The following RGS5 variants were observed in gnomAD, a reference collection of about 807,000 sequenced individuals.
RGS5 encodes regulator of G-protein signalling 5.
A neutral mutation model predicts 18.9 loss-of-function variants in RGS5; 20 were observed. The observed-to-expected ratio is 1.06, with a 90% CI of 0.74 to 1.54. RGS5 has a LOEUF of 1.54. Among genes scored for constraint, RGS5 ranks in the 40% most tolerant of loss-of-function variants. The probability of loss-of-function intolerance (pLI) is 0.00; values close to 1 mark genes in which losing one functional copy is unlikely to be tolerated. For synonymous variants in RGS5, 57 were observed against 76.2 expected (o/e 0.75, Z 1.31); for missense variants, 201 against 211.8 (o/e 0.95, Z 0.32).
In RGS5 at chr1:163,193,137, C is replaced by G. The variant is rs74603259; in HGVS notation, c.44+9655G>C. The stretch of plus-strand genomic sequence containing the variant: ...TTTCGTGTTGCTTTTCTTCTTCTGA[C>G]TCTAATATGATAGTTCCAATGTCTT... On this transcript the variant is annotated intron_variant, in intron 1 of 4. Coordinates refer to ENST00000313961, the MANE Select transcript of RGS5 (RefSeq NM_003617.4). Among the ~76,000 whole-genome samples the G allele has an allele frequency of 7.1e-4, 108 of 152,260 alleles. 1 individual carries two copies. The East Asian group carries it at 0.019, about 26-fold the overall frequency.
intron 2 of RGS5, among the ~76,000 whole-genome samples, chr1:163,305,536 G>A (rs1250814929): frequency 6.6e-6 from 1 of 152,136 alleles, no homozygotes; most frequent in African/African-American, 2.4e-5. Flanking sequence ...TACTTTGGTG[G>A]CTTGCAGCCC....
intron 2 of RGS5, among the ~76,000 whole-genome samples, chr1:163,162,556 T>G (rs1490864307): frequency 6.6e-6 from 1 of 151,924 alleles, no homozygotes; most frequent in African/African-American, 2.4e-5. Context: ...TACCCACTTA[T>G]AACAGGATCA....
chr1:163,291,971 A>C (rs1649298743), intron 2 of RGS5, among the ~76,000 whole-genome samples: 3 of 152,174 alleles, frequency 2.0e-5, no homozygotes, highest in Admixed American at 2.0e-4. Flanking sequence ...ATGTGCCAAT[A>C]TAATTACTTT....
At chr1:163,171,619 A>G (rs1229415044) in intron 1 of RGS5, among the ~76,000 whole-genome samples, 2 of 152,142 alleles carry the variant, frequency 1.3e-5, no homozygotes, top group Non-Finnish European at 2.9e-5. Flanking sequence ...TTGCTTTTGT[A>G]AAAGGCAGAA....
At chr1:163,167,328 C>T (rs1658096612) in intron 2 of RGS5, among the ~76,000 whole-genome samples, 3 of 152,180 alleles carry the variant, frequency 2.0e-5, no homozygotes, top group Admixed American at 2.0e-4. Context: ...ATGCCTTGGC[C>T]TTTTCTTCTT....
At chr1:163,206,883 T>C (rs552692952), upstream of RGS5, 2 of 152,324 alleles carry the variant, frequency 1.3e-5, no homozygotes, top group Admixed American at 1.3e-4. Context: ...TATGAATTCA[T>C]AAAAAGTATA....
intron 2 of RGS5, among the ~76,000 whole-genome samples, chr1:163,247,737 G>A (rs954619433): frequency 6.6e-6 from 1 of 151,970 alleles, no homozygotes; most frequent in African/African-American, 2.4e-5. Flanking sequence ...TTCCCCCTCA[G>A]TGATTTTGTT....
chr1:163,145,797 T>C lies in RGS5; in HGVS notation c.*1545A>G, dbSNP rs377419375. On this transcript the variant is annotated 3_prime_UTR_variant, in exon 5 of 5. Coordinates refer to ENST00000313961, the MANE Select transcript of RGS5 (RefSeq NM_003617.4). ...CTTCACTTTCAATATTCTTAGGAAA[T>C]AACCAAATAAATGAGCTACAAATAT... The C allele has an allele frequency of 2.0e-5, 3 of 152,084 alleles. No homozygotes were observed. The highest frequency in any genetic ancestry group is 7.2e-5 in the African/African-American group (3 of 41,418). 9.4% of individuals were successfully genotyped at this position (152,084 alleles called of 1,614,324 possible). A position where few individuals can be genotyped will look rare whatever the true frequency, so the allele number is the denominator to read the frequency against.
chr1:163,289,438 C>G (rs1393618792), intron 2 of RGS5, among the ~76,000 whole-genome samples: 2 of 151,984 alleles, frequency 1.3e-5, no homozygotes, highest in Non-Finnish European at 2.9e-5. Context: ...CTAGAGAACG[C>G]ATGAAATGAA....
In RGS5 at chr1:163,311,147, C is replaced by T. The variant is rs571469006; in HGVS notation, c.-377-4818G>A. ...TGTATGTTATAAAGATGGCTTCTTTCCTTAAGCCTCACAAACCAACCTCTG... is the reference window on the plus strand; with the variant it reads ...TGTATGTTATAAAGATGGCTTCTTTTCTTAAGCCTCACAAACCAACCTCTG... On this transcript the variant is annotated intron_variant, in intron 1 of 5. Transcript: ENST00000618415. Among the ~76,000 whole-genome samples the T allele has an allele frequency of 2.6e-5, 4 of 152,318 alleles. No individual in the cohort carries two copies. The East Asian group carries it at 5.8e-4, about 22-fold the overall frequency.
chr1:163,172,452 C>T, intron 1 of RGS5: 1 of 1,261,730 alleles, frequency 7.9e-7, no homozygotes, highest in South Asian at 1.5e-5. Flanking sequence ...TTATCTATAT[C>T]ACTGCTTAAA....
chr1:163,231,624 A>T (rs1458847260), intron 2 of RGS5, among the ~76,000 whole-genome samples: 1 of 152,148 alleles, frequency 6.6e-6, no homozygotes, highest in African/African-American at 2.4e-5. Flanking sequence ...GTTTTGTGTG[A>T]TGGAGAATAA....
intron 1 of RGS5, among the ~76,000 whole-genome samples, chr1:163,194,391 A>G (rs1180412818): frequency 6.6e-6 from 1 of 152,190 alleles, no homozygotes; most frequent in Non-Finnish European, 1.5e-5. Flanking sequence ...TATAATAAAA[A>G]TGGAATATTT....
chr1:163,263,677 A>G (rs1254438832), intron 2 of RGS5, among the ~76,000 whole-genome samples: 1 of 152,078 alleles, frequency 6.6e-6, no homozygotes, highest in Non-Finnish European at 1.5e-5. Context: ...AGAAATTACC[A>G]TAATGTTGTC....
At chr1:163,148,064 T>C (rs979936601) in intron 4 of RGS5, among the ~76,000 whole-genome samples, 2 of 151,542 alleles carry the variant, frequency 1.3e-5, no homozygotes, top group South Asian at 2.1e-4. Context: ...ACTAGCTGGG[T>C]TACAGGCATG....
At chr1:163,222,849 A>G (rs1647256591) in intron 2 of RGS5, among the ~76,000 whole-genome samples, 1 of 151,860 alleles carries the variant, frequency 6.6e-6, no homozygotes, top group African/African-American at 2.4e-5. Flanking sequence ...CTGCTTCTCT[A>G]TTTATTTTTT....
intron 3 of RGS5, among the ~76,000 whole-genome samples, chr1:163,161,519 C>G (rs778640563): frequency 7.9e-5 from 12 of 152,164 alleles, no homozygotes; most frequent in African/African-American, 1.2e-4. Flanking sequence ...CTACTCATGA[C>G]TTGTTAGCGA....
At chr1:163,207,188 T>C (rs965064950), upstream of RGS5, among the ~76,000 whole-genome samples, 3 of 152,346 alleles carry the variant, frequency 2.0e-5, no homozygotes, top group Admixed American at 1.3e-4. Context: ...ACATAGGAAG[T>C]GTAAAGTCTA....
chr1:163,308,312 T>C (rs896670032), intron 1 of RGS5, among the ~76,000 whole-genome samples: 2 of 152,202 alleles, frequency 1.3e-5, no homozygotes, highest in African/African-American at 2.4e-5. Flanking sequence ...TACCAGCATA[T>C]TGTGTGACAC....
Sources: allele counts gnomAD v4.1 joint callset (sites outside exome capture counted in the v4.1 genomes callset), GRCh38; gene constraint gnomAD v4.1.1; transcripts MANE v1.5; gene names NCBI Gene and HGNC (gene_info 2026-07-23, HGNC 2026-07-21).